The following NPHP4 variants were observed in gnomAD, a reference collection of about 807,000 sequenced individuals.
NPHP4 encodes nephrocystin 4, also known as nephrocystin-4.
NPHP4 carries 151 observed loss-of-function variants against 155.8 expected under a neutral mutation model. The ratio of observed to expected loss-of-function variants is 0.97; its 90% CI spans 0.85 to 1.11. The LOEUF (loss-of-function observed/expected upper bound fraction) is 1.11, where lower values mean the gene tolerates loss of function less well. Among genes scored for constraint, NPHP4 ranks in the 50% least tolerant of loss-of-function variants. The pLI, the probability that NPHP4 is intolerant of heterozygous loss-of-function variation, is 0.00. For synonymous variants in NPHP4, 845 were observed against 816.8 expected (o/e 1.03, Z -0.59); for missense variants, 1,956 against 1,925.7 (o/e 1.02, Z -0.29).
intron 9 of NPHP4, among the ~76,000 whole-genome samples, chr1:5,945,189 C>A (rs1647027862): frequency 6.6e-6 from 1 of 152,146 alleles, no homozygotes; most frequent in African/African-American, 2.4e-5. Context: ...GAGGCGCCAG[C>A]CCTCCTGCTC....
At chr1:5,956,575 C>G (rs11583324) in intron 6 of NPHP4, among the ~76,000 whole-genome samples, 19,258 of 152,238 alleles carry the variant, frequency 0.13, 1,557 homozygotes, top group Non-Finnish European at 0.18. Flanking sequence ...AGTAAAGCAC[C>G]TGAGCCCAAG....
At position 5,944,322 on chromosome 1, in the gene NPHP4, C is replaced by A. The variant is rs1646973711; in HGVS notation, c.1119+2782G>T. On this transcript the variant is annotated intron_variant, in intron 9 of 29. Coordinates refer to ENST00000378156, the MANE Select transcript of NPHP4 (RefSeq NM_015102.5). The surrounding 1 kb of genome is among the most constrained non-coding windows in gnomAD (Gnocchi z 4.3). ...CCCAGCTGAAAAAATCCCCACCCAG[C>A]TGAAGAAGGCTGCTCTGGGAGACAC... Among the ~76,000 whole-genome samples, 1 of 152,236 alleles carries A rather than the reference C, an allele frequency of 6.6e-6. No homozygotes were observed. Among genetic ancestry groups the A allele is most frequent in the South Asian group, 2.1e-4 (1 of 4,834 alleles).
chr1:5,986,359 G>C, intron 1 of NPHP4, 32 bp from the exon 2 acceptor site: 2 of 1,562,380 alleles, frequency 1.3e-6, no homozygotes, highest in Non-Finnish European at 1.7e-6. Context: ...AAAGAGAAGA[G>C]CTGTGAGGGC....
intron 16 of NPHP4, among the ~76,000 whole-genome samples, chr1:5,899,658 A>G (rs1363318047): frequency 6.6e-6 from 1 of 152,002 alleles, no homozygotes; most frequent in Non-Finnish European, 1.5e-5. Flanking sequence ...AAACTATACA[A>G]CTCCTAGGAG....
rs1308044518 is a variant in NPHP4, at chr1:5,865,089, A to G, written c.3816+13T>C. ...TGGGGAGAGGCTCAGAACAGCCCCC[A>G]GAGAGGCCGTACCTTCAGCTCCTGG... On this transcript the variant is annotated intron_variant, in intron 27 of 29. Transcript: ENST00000378156. 6.2e-7 allele frequency: 1 copy of G among 1,612,168 alleles called. No homozygotes were observed. Among genetic ancestry groups the G allele is most frequent in the Admixed American group, 1.7e-5 (1 of 59,992 alleles).
rs762709282 is a variant in NPHP4, at chr1:5,880,275, C to T, written c.2486-36G>A. Reference sequence around the variant, plus strand: ...AACATCCCAACATAAGACATGAACCCCAAATGAGAATCTGATGAAACAGAT... The same window carrying T: ...AACATCCCAACATAAGACATGAACCTCAAATGAGAATCTGATGAAACAGAT... On this transcript the variant is annotated intron_variant, in intron 18 of 29. Coordinates refer to ENST00000378156, the MANE Select transcript of NPHP4 (RefSeq NM_015102.5). 3.7e-6 allele frequency: 6 copies of T among 1,609,100 alleles called. No individual in the cohort carries two copies. The East Asian group carries it at 1.1e-4, about 30-fold the overall frequency.
In NPHP4 at chr1:5,864,392, C is replaced by G; in HGVS notation, c.3942G>C (p.Gln1314His). 2 of 1,611,686 alleles carry G rather than the reference C, an allele frequency of 1.2e-6. No individual in the cohort carries two copies. The highest frequency in any genetic ancestry group is 1.7e-6 in the Non-Finnish European group (2 of 1,179,150). The change falls in exon 28 of 30, where the codon CAG (glutamine) becomes CAC (histidine). Residue 1314 changes from glutamine to histidine, a missense_variant. By Grantham distance (24) the Gln-to-His change is conservative (BLOSUM62 0). Coordinates refer to ENST00000378156, the MANE Select transcript of NPHP4 (RefSeq NM_015102.5). ...GGCACACGAGCCAGGAGGCCACCAG[C>G]TGGTGGCAATCCACGTCCACCAGGT... is the stretch of plus-strand genomic sequence containing the variant. ...HLNLVDVDCHQLVASWLVCLC... is the reference protein window; with the variant it reads ...HLNLVDVDCHHLVASWLVCLC...
At chr1:5,966,249 TG>T (rs1651479969) in intron 5 of NPHP4, among the ~76,000 whole-genome samples, 1 of 152,108 alleles carries the variant, frequency 6.6e-6, no homozygotes, top group African/African-American at 2.4e-5. Context: ...TTTGACGTTT[TG>T]TTTTGTTTTG....
At chr1:5,939,493 C>T (rs1170336840) in intron 9 of NPHP4, among the ~76,000 whole-genome samples, 2 of 152,240 alleles carry the variant, frequency 1.3e-5, no homozygotes, top group Non-Finnish European at 2.9e-5. Flanking sequence ...TGCAGCTCTC[C>T]GTCATCTGAG....
At chr1:5,978,672 C>T (rs934720200) in intron 2 of NPHP4, among the ~76,000 whole-genome samples, 3 of 152,106 alleles carry the variant, frequency 2.0e-5, no homozygotes, top group Non-Finnish European at 2.9e-5. Flanking sequence ...GAGCCCAGGA[C>T]GCACAAGAGG....
At chr1:5,976,860 G>C (rs1317534603) in intron 3 of NPHP4, among the ~76,000 whole-genome samples, 1 of 152,160 alleles carries the variant, frequency 6.6e-6, no homozygotes, top group Non-Finnish European at 1.5e-5. Flanking sequence ...CGTGGCCCTA[G>C]GTGGGGGTGC....
chr1:5,942,425 G>A (rs1646865082), intron 9 of NPHP4, among the ~76,000 whole-genome samples: 1 of 151,286 alleles, frequency 6.6e-6, no homozygotes, highest in Non-Finnish European at 1.5e-5. Flanking sequence ...CAGCTACTCA[G>A]GAGGCTGAGG....
At chr1:5,900,929 G>A (rs368858635) in intron 16 of NPHP4, among the ~76,000 whole-genome samples, 1 of 152,082 alleles carries the variant, frequency 6.6e-6, no homozygotes, top group Admixed American at 6.6e-5. Flanking sequence ...CCAGCTATGT[G>A]GGGGCTAAGG....
chr1:5,922,166 C>T (rs550891582), intron 11 of NPHP4, among the ~76,000 whole-genome samples: 6 of 152,294 alleles, frequency 3.9e-5, no homozygotes, highest in East Asian at 3.9e-4. Context: ...AGCCAAGGGA[C>T]GCAGGTGGCC....
chr1:5,977,434 C>A (rs1233233140), intron 3 of NPHP4, among the ~76,000 whole-genome samples: 1 of 152,094 alleles, frequency 6.6e-6, no homozygotes, highest in East Asian at 1.9e-4. Context: ...TCCCTCGTCA[C>A]CCACCTAAAG....
intron 5 of NPHP4, among the ~76,000 whole-genome samples, chr1:5,964,931 A>ATTTTTTTTTTTTTTT (rs1188241159): frequency 4.2e-5 from 1 of 23,900 alleles, no homozygotes; most frequent in African/African-American, 3.6e-4. Flanking sequence ...ATATATATAT[A>ATTTTTTTTTTTTTTT]TATATATATA....
chr1:5,887,625 G>A (rs1643892445), intron 17 of NPHP4, among the ~76,000 whole-genome samples, 159 bp from the exon 18 acceptor site: 1 of 152,214 alleles, frequency 6.6e-6, no homozygotes, highest in Non-Finnish European at 1.5e-5. Flanking sequence ...GGGGGTGAGG[G>A]GGCGGCGAGC....
chr1:5,970,962 G>T (rs1231845715), intron 3 of NPHP4, among the ~76,000 whole-genome samples: 3 of 152,170 alleles, frequency 2.0e-5, no homozygotes, highest in African/African-American at 7.2e-5. Flanking sequence ...TTGTTTCCAA[G>T]ACTCCAGAAC....
intron 19 of NPHP4, 139 bp downstream of exon 19, chr1:5,879,975 G>A: frequency 2.0e-6 from 2 of 1,018,440 alleles, no homozygotes; most frequent in Admixed American, 4.3e-5. Flanking sequence ...CCTAGACGCA[G>A]AGGGGCACTG....
Sources: allele counts gnomAD v4.1 joint callset (sites outside exome capture counted in the v4.1 genomes callset), GRCh38; gene constraint gnomAD v4.1.1; non-coding constraint Gnocchi (gnomAD v3.1); transcripts MANE v1.5; gene names NCBI Gene and HGNC (gene_info 2026-07-23, HGNC 2026-07-21).